The following SLC4A10 variants were observed in gnomAD, a reference collection of about 807,000 sequenced individuals.
SLC4A10 encodes the protein solute carrier family 4 member 10.
Under a neutral mutation model 137.7 loss-of-function variants are expected in SLC4A10, and 42 were observed. That is an observed-to-expected ratio of 0.30 (90% CI 0.24 to 0.39). SLC4A10 has a LOEUF of 0.39. SLC4A10 is among the 10% of genes least tolerant of loss of function. The pLI is 1.00. For missense variants in SLC4A10, 925 were observed against 1,355.0 expected (o/e 0.68, Z 4.98); for synonymous variants, 474 against 464.1 (o/e 1.02, Z -0.27).
intron 2 of SLC4A10, among the ~76,000 whole-genome samples, chr2:161,797,993 C>T (rs2054963087): frequency 6.6e-6 from 1 of 151,738 alleles, no homozygotes; most frequent in South Asian, 2.1e-4. Flanking sequence ...ACTAGTTTAA[C>T]ACTGTCTTTT....
chr2:161,666,244 CT>C (rs2039034496), intron 1 of SLC4A10, among the ~76,000 whole-genome samples: 1 of 151,520 alleles, frequency 6.6e-6, no homozygotes, highest in South Asian at 2.1e-4. Flanking sequence ...GTAGTTTTCT[CT>C]TGACAGAATA....
intron 3 of SLC4A10, among the ~76,000 whole-genome samples, chr2:161,807,910 A>G (rs1167077046): frequency 6.6e-6 from 1 of 152,148 alleles, no homozygotes; most frequent in Non-Finnish European, 1.5e-5. Context: ...TTCCAAATTG[A>G]CAAGTATTTT....
Position 161,983,212 on chromosome 2 carries a change from A to C in SLC4A10, c.*60A>C. On this transcript the variant is annotated 3_prime_UTR_variant, in exon 27 of 27. Coordinates refer to ENST00000446997, the MANE Select transcript of SLC4A10 (RefSeq NM_001178015.2). The stretch of plus-strand genomic sequence containing the variant: ...GCCGAAAAGAGAAGAAAGCTGACTC[A>C]GGGAAAGGTGTTGACAGGGAGACTT... 1 of 1,536,802 alleles carries C rather than the reference A, an allele frequency of 6.5e-7. No homozygotes were observed. Among genetic ancestry groups the C allele is most frequent in the Non-Finnish European group, 8.7e-7 (1 of 1,147,052 alleles).
chr2:161,633,241 T>A (rs570399200), intron 1 of SLC4A10, among the ~76,000 whole-genome samples: 7 of 151,882 alleles, frequency 4.6e-5, no homozygotes, highest in Non-Finnish European at 3.0e-5. Flanking sequence ...AGCATCCATA[T>A]GTGAATTATT....
intron 15 of SLC4A10, among the ~76,000 whole-genome samples, chr2:161,924,747 C>A (rs1375148954): frequency 2.0e-5 from 3 of 152,182 alleles, no homozygotes; most frequent in Middle Eastern, 6.8e-3. Context: ...TTAGCATTTT[C>A]AAAAAGTCAC....
At chr2:161,962,606 G>A (rs1696909596) in intron 21 of SLC4A10, among the ~76,000 whole-genome samples, 1 of 152,136 alleles carries the variant, frequency 6.6e-6, no homozygotes. Flanking sequence ...TCAGGAATGA[G>A]TTCAGCACTT....
chr2:161,915,624 C>T (rs1466103671), intron 15 of SLC4A10, among the ~76,000 whole-genome samples: 1 of 151,668 alleles, frequency 6.6e-6, no homozygotes, highest in Non-Finnish European at 1.5e-5. Context: ...GGCACCCCCA[C>T]CTGGACACTG....
intron 1 of SLC4A10, among the ~76,000 whole-genome samples, chr2:161,703,617 T>C (rs1346322949): frequency 6.6e-6 from 1 of 151,656 alleles, no homozygotes; most frequent in Non-Finnish European, 1.5e-5. Context: ...TCTAGAAAAT[T>C]ATTACATCTC....
At chr2:161,830,551 TA>T (rs975903849) in intron 3 of SLC4A10, among the ~76,000 whole-genome samples, 1 of 151,724 alleles carries the variant, frequency 6.6e-6, no homozygotes, top group East Asian at 1.9e-4. Context: ...TTTCTGTTTT[TA>T]AAAAAAACCC....
rs61732696 is a variant in SLC4A10 at position 161,905,871 on chromosome 2, C to G, written c.1981C>G (p.Leu661Val). The G allele has an allele frequency of 6.2e-7, 1 of 1,610,984 alleles. No individual in the cohort carries two copies. Among genetic ancestry groups the G allele is most frequent in the Non-Finnish European group, 8.5e-7 (1 of 1,178,330 alleles). Residue 661 changes from leucine (L) to valine (V), a missense_variant, in exon 15 of 27, where the codon CTG becomes GTG. By Grantham distance (32) the Leu-to-Val change is conservative. This residue lies in a region of SLC4A10 where 91 missense variants were observed against 95.6 expected (regional missense o/e 0.95). Coordinates refer to ENST00000446997, the MANE Select transcript of SLC4A10 (RefSeq NM_001178015.2). ...YPINMHNDLELLTQYSCNCVE... is the reference protein window; with the variant it reads ...YPINMHNDLEVLTQYSCNCVE... ...AATCAACATGCATAATGATCTGGAA[C>G]TGCTGACACAATACTCGTAAGTACC...
intron 3 of SLC4A10, among the ~76,000 whole-genome samples, chr2:161,816,831 A>G (rs2057122542): frequency 6.6e-6 from 1 of 152,098 alleles, no homozygotes; most frequent in South Asian, 2.1e-4. Flanking sequence ...ATGGCTGCAT[A>G]GTATTCCATG....
intron 2 of SLC4A10, among the ~76,000 whole-genome samples, chr2:161,781,267 T>C (rs1046632528): frequency 1.3e-5 from 2 of 152,096 alleles, no homozygotes; most frequent in Admixed American, 1.3e-4. Flanking sequence ...TGTCCTTTTA[T>C]GTATCAGATA....
chr2:161,702,572 A>C (rs1049848977), intron 1 of SLC4A10, among the ~76,000 whole-genome samples: 1 of 151,808 alleles, frequency 6.6e-6, no homozygotes, highest in African/African-American at 2.4e-5. Context: ...TCTGATAGTC[A>C]TTTGGAAGGT....
At chr2:161,732,516 A>G (rs964378899) in intron 1 of SLC4A10, among the ~76,000 whole-genome samples, 2 of 152,256 alleles carry the variant, frequency 1.3e-5, no homozygotes, top group Admixed American at 1.3e-4. Context: ...ACACATTGCT[A>G]GATTTCCATT....
At chr2:161,847,733 G>A (rs1420157360) in intron 4 of SLC4A10, among the ~76,000 whole-genome samples, 1 of 152,012 alleles carries the variant, frequency 6.6e-6, no homozygotes, top group Admixed American at 6.6e-5. Flanking sequence ...GCATATTATT[G>A]CATGGTGTAT....
chr2:161,772,353 A>G (rs965318583), intron 2 of SLC4A10, among the ~76,000 whole-genome samples: 1 of 151,898 alleles, frequency 6.6e-6, no homozygotes, highest in Non-Finnish European at 1.5e-5. Flanking sequence ...ACACACCAAG[A>G]AAACTAACAA....
At chr2:161,692,615 C>G (rs950307972) in intron 1 of SLC4A10, among the ~76,000 whole-genome samples, 2 of 151,978 alleles carry the variant, frequency 1.3e-5, no homozygotes, top group Non-Finnish European at 2.9e-5. Context: ...ACTCTTCAAT[C>G]AGGTAGAGGA....
At chr2:161,708,713 T>C (rs879313911) in intron 1 of SLC4A10, 23 of 1,526,802 alleles carry the variant, frequency 1.5e-5, no homozygotes, top group African/African-American at 6.9e-5. Flanking sequence ...TGCTGAGACA[T>C]AGAGATGGCT....
rs2054074783 is a variant in SLC4A10, at chr2:161,790,428, T to C, written c.131-14021T>C. Among the ~76,000 whole-genome samples the C allele has an allele frequency of 2.0e-5, 3 of 152,222 alleles. No homozygotes were observed. The South Asian group carries it at 6.2e-4, about 31-fold the overall frequency. ...AAGAACCATTTATTTCTGGTATTAT[T>C]AGTTGATTAATTTTTGTGCAACTTA... On this transcript the variant is annotated intron_variant, in intron 2 of 26. Transcript: ENST00000446997.
Sources: gnomAD v4.1 joint callset for allele counts (sites outside exome capture counted in the v4.1 genomes callset) on GRCh38, gnomAD v4.1.1 for gene constraint, gnomAD v4.1.1 regional missense constraint, MANE v1.5 for transcripts, NCBI Gene and HGNC (gene_info 2026-07-23, HGNC 2026-07-21) for gene names.